Variants in MLLT3 observed in about 807,000 individuals in gnomAD.
The protein encoded by MLLT3 is MLLT3 super elongation complex subunit, also known as protein AF-9.
MLLT3 carries 4 observed loss-of-function variants against 53.2 expected under a neutral mutation model. The ratio of observed to expected loss-of-function variants is 0.08; its 90% CI spans 0.04 to 0.17. The LOEUF (loss-of-function observed/expected upper bound fraction) is 0.17, where lower values mean the gene tolerates loss of function less well. MLLT3 is among the 10% of genes least tolerant of loss of function. The pLI is 1.00. For missense variants in MLLT3, 569 were observed against 684.0 expected (o/e 0.83, Z 1.87); for synonymous variants, 283 against 230.6 (o/e 1.23, Z -2.06).
At chr9:20,423,862 G>C (rs960725581) in intron 4 of MLLT3, among the ~76,000 whole-genome samples, 1 of 151,910 alleles carries the variant, frequency 6.6e-6, no homozygotes, top group African/African-American at 2.4e-5. Context: ...CTCGCGAGGG[G>C]TGAGGCAGGA....
intron 2 of MLLT3, among the ~76,000 whole-genome samples, chr9:20,514,242 A>G (rs1817842514): frequency 6.6e-6 from 1 of 152,152 alleles, no homozygotes; most frequent in South Asian, 2.1e-4. Context: ...TCAGGAAGAA[A>G]ACCAAAAAAT....
chr9:20,370,494 A>T (rs1175878298), intron 5 of MLLT3, among the ~76,000 whole-genome samples: 3 of 151,810 alleles, frequency 2.0e-5, no homozygotes, highest in Non-Finnish European at 4.4e-5. Context: ...TAAATGTTCA[A>T]ATGAAAGGAA....
intron 2 of MLLT3, among the ~76,000 whole-genome samples, chr9:20,578,992 T>C (rs1819722980): frequency 6.6e-6 from 1 of 152,220 alleles, no homozygotes. Flanking sequence ...TGACTTGCAT[T>C]ATATTTCTAT....
At chr9:20,357,895 C>T (rs574322918) in intron 8 of MLLT3, among the ~76,000 whole-genome samples, 74 of 151,796 alleles carry the variant, frequency 4.9e-4, no homozygotes, top group East Asian at 1.7e-3. Context: ...AGTATGTTCT[C>T]AACTCTTTAT....
intron 5 of MLLT3, among the ~76,000 whole-genome samples, chr9:20,400,488 G>T (rs954431336): frequency 2.0e-5 from 3 of 151,932 alleles, no homozygotes; most frequent in African/African-American, 4.8e-5. Context: ...ATGTGATCAT[G>T]GTATTTAGTT....
intron 2 of MLLT3, among the ~76,000 whole-genome samples, chr9:20,601,212 CA>C (rs1820413419): frequency 1.3e-5 from 2 of 152,128 alleles, no homozygotes; most frequent in East Asian, 3.9e-4. Flanking sequence ...ACCTTTAGTT[CA>C]GAATATTCTC....
At chr9:20,377,173 G>A (rs1360669954) in intron 5 of MLLT3, among the ~76,000 whole-genome samples, 1 of 152,152 alleles carries the variant, frequency 6.6e-6, no homozygotes, top group East Asian at 1.9e-4. Context: ...CCATAATTAA[G>A]TGTTATTGGA....
chr9:20,353,517 T>C lies in MLLT3; in HGVS notation c.1575+8A>G. 1.2e-6 allele frequency: 2 copies of C among 1,613,292 alleles called. No individual in the cohort carries two copies. Among genetic ancestry groups the C allele is most frequent in the Non-Finnish European group, 1.7e-6 (2 of 1,179,212 alleles). ...CTGGAAAGGGTTGTGCTAAAAAGCATTTCTCACCTGCTGCAGAATGTGTCT... is the reference window on the plus strand; with the variant it reads ...CTGGAAAGGGTTGTGCTAAAAAGCACTTCTCACCTGCTGCAGAATGTGTCT... On this transcript the variant is annotated splice_region_variant and intron_variant, in intron 10 of 10. Coordinates refer to ENST00000380338, the MANE Select transcript of MLLT3 (RefSeq NM_004529.4).
At chr9:20,386,829 T>A (rs896213364) in intron 5 of MLLT3, among the ~76,000 whole-genome samples, 6 of 152,214 alleles carry the variant, frequency 3.9e-5, no homozygotes, top group African/African-American at 9.6e-5. Flanking sequence ...TAAACCTAGA[T>A]AATAATAAGT....
chr9:20,361,769 T>C (rs1203918500), intron 7 of MLLT3, among the ~76,000 whole-genome samples: 2 of 152,200 alleles, frequency 1.3e-5, no homozygotes, highest in Admixed American at 1.3e-4. Context: ...CCCTCAGAGA[T>C]GTCCTCTTTC....
At chr9:20,420,480 C>T (rs374937873) in intron 4 of MLLT3, among the ~76,000 whole-genome samples, 3 of 152,002 alleles carry the variant, frequency 2.0e-5, no homozygotes, top group East Asian at 3.8e-4. Flanking sequence ...TGGAATTCAA[C>T]GTTGAGAGTA....
At chr9:20,378,584 C>T (rs1204608742) in intron 5 of MLLT3, among the ~76,000 whole-genome samples, 3 of 151,848 alleles carry the variant, frequency 2.0e-5, no homozygotes, top group Admixed American at 2.0e-4. Context: ...TTACATAATC[C>T]CCCTAGAAGT....
intron 5 of MLLT3, among the ~76,000 whole-genome samples, chr9:20,387,138 T>C (rs140822466): frequency 1.8e-4 from 28 of 152,346 alleles, no homozygotes; most frequent in African/African-American, 6.7e-4. Flanking sequence ...ATAGTAAATG[T>C]TTTAGCCTTC....
intron 2 of MLLT3, among the ~76,000 whole-genome samples, chr9:20,549,410 T>C (rs1398494823): frequency 6.6e-6 from 1 of 152,176 alleles, no homozygotes; most frequent in Non-Finnish European, 1.5e-5. Flanking sequence ...CTCAAATAGT[T>C]CCTACTAATA....
intron 2 of MLLT3, among the ~76,000 whole-genome samples, chr9:20,518,386 C>A (rs1650831321): frequency 6.6e-6 from 1 of 151,980 alleles, no homozygotes; most frequent in African/African-American, 2.4e-5. Flanking sequence ...GCAACTTTTC[C>A]TTACAGAAAA....
intron 2 of MLLT3, among the ~76,000 whole-genome samples, chr9:20,565,328 G>T (rs959226367): frequency 3.3e-5 from 5 of 152,030 alleles, no homozygotes; most frequent in African/African-American, 1.2e-4. Context: ...GAGTTGGGAG[G>T]GATGAGGAAA....
intron 5 of MLLT3, among the ~76,000 whole-genome samples, chr9:20,383,967 T>G (rs941624039): frequency 2.6e-5 from 4 of 152,014 alleles, no homozygotes; most frequent in Non-Finnish European, 5.9e-5. Flanking sequence ...CAAGTAATAT[T>G]TGAGAATTCA....
At chr9:20,517,021 G>C (rs923479008) in intron 2 of MLLT3, among the ~76,000 whole-genome samples, 2 of 152,240 alleles carry the variant, frequency 1.3e-5, no homozygotes, top group South Asian at 4.2e-4. Flanking sequence ...TACTTACGCA[G>C]TTTTTGTATT....
intron 2 of MLLT3, among the ~76,000 whole-genome samples, chr9:20,496,080 C>A (rs953578067): frequency 2.6e-5 from 4 of 152,144 alleles, no homozygotes; most frequent in African/African-American, 9.7e-5. Flanking sequence ...TGTGCTTAGT[C>A]CACAGAATTT....
Sources: allele counts gnomAD v4.1 joint callset (sites outside exome capture counted in the v4.1 genomes callset), GRCh38; gene constraint gnomAD v4.1.1; transcripts MANE v1.5; gene names NCBI Gene and HGNC (gene_info 2026-07-23, HGNC 2026-07-21).